Variants in TLK1 observed in about 807,000 individuals in gnomAD.
TLK1 encodes the protein serine/threonine-protein kinase tousled-like 1.
A neutral mutation model predicts 105.3 loss-of-function variants in TLK1; 24 were observed. That is an observed-to-expected ratio of 0.23 (90% CI 0.17 to 0.32). The LOEUF is 0.32. Ranked by LOEUF, TLK1 falls within the 10% of genes least tolerant of loss-of-function variation. The pLI is 1.00. For synonymous variants in TLK1, 321 were observed against 310.4 expected (o/e 1.03, Z -0.36); for missense variants, 558 against 910.5 (o/e 0.61, Z 4.98).
chr2:171,126,742 T>C (rs1690882239), intron 1 of TLK1, among the ~76,000 whole-genome samples: 1 of 151,988 alleles, frequency 6.6e-6, no homozygotes, highest in Non-Finnish European at 1.5e-5. Flanking sequence ...ATATTTTAAT[T>C]CACTCGAGAT....
At position 171,145,414 on chromosome 2, in the gene TLK1, A is replaced by T. The variant is rs188826994; in HGVS notation, c.139+14876T>A. ...AGGCCAGCCTGGTCAACATGGTGAA[A>T]CCCTGTCTCTACTAAAAATACAAAA... On this transcript the variant is annotated intron_variant, in intron 1 of 20. Coordinates refer to ENST00000431350, the MANE Select transcript of TLK1 (RefSeq NM_012290.5). 9.8e-3 allele frequency among the ~76,000 whole-genome samples: 1,488 copies of T among 152,088 alleles called. 10 individuals carry two copies. The highest frequency in any genetic ancestry group is 0.014 in the Non-Finnish European group (954 of 67,980).
chr2:171,025,061 A>G (rs1339346148), intron 12 of TLK1, among the ~76,000 whole-genome samples: 1 of 152,144 alleles, frequency 6.6e-6, no homozygotes, highest in African/African-American at 2.4e-5. Flanking sequence ...GTAACTAGAA[A>G]CACCTATTTA....
intron 20 of TLK1, chr2:170,994,709 G>A (rs753431944): frequency 2.1e-5 from 11 of 517,584 alleles, no homozygotes; most frequent in Admixed American, 5.8e-5. Flanking sequence ...GTCCCCAGTC[G>A]AACCTGGGTT....
chr2:171,116,938 A>G (rs1690458477), intron 2 of TLK1, among the ~76,000 whole-genome samples: 1 of 152,138 alleles, frequency 6.6e-6, no homozygotes. Flanking sequence ...TACTCTTGGG[A>G]AAACATCCTA....
intron 1 of TLK1, among the ~76,000 whole-genome samples, chr2:171,192,742 C>A (rs1575653395): frequency 6.6e-6 from 1 of 151,984 alleles, no homozygotes; most frequent in East Asian, 1.9e-4. Flanking sequence ...CAGTCTGAAC[C>A]ACTGGACTTT....
At chr2:171,165,107 T>C (rs936780289), upstream of TLK1, among the ~76,000 whole-genome samples, 1 of 152,204 alleles carries the variant, frequency 6.6e-6, no homozygotes, top group African/African-American at 2.4e-5. Context: ...AAGAGATCAT[T>C]GGAAGCTTTC....
chr2:171,182,166 A>G (rs1692939170), intron 1 of TLK1, among the ~76,000 whole-genome samples: 1 of 152,242 alleles, frequency 6.6e-6, no homozygotes, highest in African/African-American at 2.4e-5. Flanking sequence ...ATGGAATTAG[A>G]AAATCACTTT....
intron 13 of TLK1, 84 bp from the exon 14 acceptor site, chr2:171,011,538 A>G (rs1246946586): frequency 1.9e-6 from 2 of 1,057,606 alleles, no homozygotes; most frequent in South Asian, 1.8e-5. Flanking sequence ...CTCTTATTCT[A>G]TTCCTAGCTA....
intron 3 of TLK1, among the ~76,000 whole-genome samples, chr2:171,063,300 C>G (rs1687842335): frequency 6.6e-6 from 1 of 152,110 alleles, no homozygotes; most frequent in Non-Finnish European, 1.5e-5. Flanking sequence ...GAGCCAAGAT[C>G]ACACCACTGC....
intron 1 of TLK1, among the ~76,000 whole-genome samples, chr2:171,135,319 G>GTATATATATATATA (rs201751767): frequency 1.1e-4 from 8 of 70,310 alleles, no homozygotes; most frequent in East Asian, 8.8e-4. Context: ...GTGTGTGTGT[G>GTATATATATATATA]TATATATATA....
rs188593180 is a variant in TLK1, at chr2:171,169,703, A to C, written c.-5-51846T>G. On this transcript the variant is annotated intron_variant, in intron 1 of 20. Coordinates refer to the TLK1 transcript ENST00000521943. ...TAGGAATAGCAAGTACTTTATGGGG[A>C]AAAAAAACGCTGTATTTTTTCAAAT... Among the ~76,000 whole-genome samples, 152 of 152,006 alleles carry C rather than the reference A, an allele frequency of 1.0e-3. 1 individual carries two copies. Among genetic ancestry groups the C allele is most frequent in the Admixed American group, 8.8e-3 (135 of 15,268 alleles).
At chr2:171,023,392 A>G (rs75361806) in intron 12 of TLK1, among the ~76,000 whole-genome samples, 2,575 of 150,110 alleles carry the variant, frequency 0.017, 47 homozygotes, top group Non-Finnish European at 0.022. Context: ...TTCAGGGCTC[A>G]TAAGTCAAAT....
At chr2:171,167,569 A>G (rs1334893418) in intron 1 of TLK1, among the ~76,000 whole-genome samples, 1 of 152,168 alleles carries the variant, frequency 6.6e-6, no homozygotes, top group African/African-American at 2.4e-5. Flanking sequence ...AATCCTGAAG[A>G]GATAGTTCCA....
chr2:171,087,276 C>T (rs1689023673), intron 2 of TLK1, among the ~76,000 whole-genome samples: 1 of 152,106 alleles, frequency 6.6e-6, no homozygotes, highest in African/African-American at 2.4e-5. Flanking sequence ...GCTCAAACGA[C>T]AAGATTGGAA....
chr2:171,211,139 A>C (rs900690933), intron 1 of TLK1, among the ~76,000 whole-genome samples: 2 of 152,242 alleles, frequency 1.3e-5, no homozygotes, highest in Non-Finnish European at 2.9e-5. Context: ...AGCACTCTGA[A>C]GACAGATGCT....
intron 2 of TLK1, among the ~76,000 whole-genome samples, chr2:171,083,213 A>G (rs1688825000): frequency 6.6e-6 from 1 of 152,180 alleles, no homozygotes. Context: ...GGCTGAAAGT[A>G]TTATTTGGGC....
chr2:171,086,928 T>C (rs1482252919), intron 2 of TLK1, among the ~76,000 whole-genome samples: 4 of 152,164 alleles, frequency 2.6e-5, no homozygotes, highest in African/African-American at 9.6e-5. Context: ...TGGTCAGTGA[T>C]CTATGCAAAA....
intron 1 of TLK1, among the ~76,000 whole-genome samples, chr2:171,183,233 C>G (rs1692961309): frequency 6.6e-6 from 1 of 151,906 alleles, no homozygotes; most frequent in Admixed American, 6.6e-5. Flanking sequence ...GTTTGAGAAA[C>G]AGAAAATTTG....
At position 171,014,748 on chromosome 2, in the gene TLK1, A is replaced by T. The variant is rs2105372883; in HGVS notation, c.1334+103T>A. The T allele has an allele frequency of 3.4e-6, 3 of 880,078 alleles. No individual in the cohort carries two copies. The East Asian group carries it at 7.5e-5, about 22-fold the overall frequency. The allele number at this position is 880,078 out of a possible 1,614,324, so 54.5% of individuals were successfully genotyped here. A position where few individuals can be genotyped will look rare whatever the true frequency, so the allele number is the denominator to read the frequency against. ...TGGGAAGGACTTTGGATCTTTTCTAAGTACGATGAGACAACCCAAGAAGGA... is the reference window on the plus strand; with the variant it reads ...TGGGAAGGACTTTGGATCTTTTCTATGTACGATGAGACAACCCAAGAAGGA... On this transcript the variant is annotated intron_variant, in intron 13 of 20. Coordinates refer to ENST00000431350, the MANE Select transcript of TLK1 (RefSeq NM_012290.5).
Sources: allele counts gnomAD v4.1 joint callset (sites outside exome capture counted in the v4.1 genomes callset), GRCh38; gene constraint gnomAD v4.1.1; transcripts MANE v1.5; gene names NCBI Gene and HGNC (gene_info 2026-07-23, HGNC 2026-07-21).